Variants in SH3GL2 observed in about 807,000 individuals in gnomAD.
The protein encoded by SH3GL2 is endophilin-A1.
In SH3GL2, 24 loss-of-function variants were observed where a neutral mutation model predicts 46.0. The observed-to-expected ratio is 0.52, with a 90% confidence interval of 0.38 to 0.73. The LOEUF (loss-of-function observed/expected upper bound fraction) is 0.73, where lower values mean the gene tolerates loss of function less well. SH3GL2 is among the 30% of genes least tolerant of loss of function. SH3GL2 has a pLI of 0.00. For synonymous variants in SH3GL2, 196 were observed against 147.1 expected (o/e 1.33, Z -2.40); for missense variants, 413 against 424.2 (o/e 0.97, Z 0.23).
intron 1 of SH3GL2, among the ~76,000 whole-genome samples, chr9:17,613,740 G>A (rs1392391734): frequency 2.0e-5 from 3 of 152,204 alleles, no homozygotes; most frequent in African/African-American, 7.2e-5. Context: ...TGGCCAGCAA[G>A]ATGCTCTAGC....
At chr9:17,632,792 C>T (rs1230358419) in intron 1 of SH3GL2, among the ~76,000 whole-genome samples, 1 of 152,176 alleles carries the variant, frequency 6.6e-6, no homozygotes, top group African/African-American at 2.4e-5. Flanking sequence ...TTTGTGCTCT[C>T]AATGTGTCCC....
intron 2 of SH3GL2, among the ~76,000 whole-genome samples, chr9:17,759,293 T>C (rs539859251): frequency 6.6e-6 from 1 of 152,130 alleles, no homozygotes; most frequent in Non-Finnish European, 1.5e-5. Flanking sequence ...CCACAGACTT[T>C]GAGAAGTTTC....
intron 3 of SH3GL2, among the ~76,000 whole-genome samples, chr9:17,765,567 C>G (rs1359434139): frequency 3.9e-5 from 6 of 152,088 alleles, no homozygotes; most frequent in Non-Finnish European, 8.8e-5. Context: ...CTTTTCATGC[C>G]TTTAGGATTA....
intron 1 of SH3GL2, among the ~76,000 whole-genome samples, chr9:17,737,534 G>A (rs565637696): frequency 6.6e-6 from 1 of 151,984 alleles, no homozygotes. Flanking sequence ...AAGCTATCAG[G>A]CTCTGTAATA....
At chr9:17,703,355 A>G (rs565783264) in intron 1 of SH3GL2, among the ~76,000 whole-genome samples, 8 of 152,200 alleles carry the variant, frequency 5.3e-5, no homozygotes, top group African/African-American at 1.7e-4. Flanking sequence ...TGTAATAATC[A>G]CAAGTTTGAA....
intron 1 of SH3GL2, among the ~76,000 whole-genome samples, chr9:17,700,972 T>G (rs916954571): frequency 6.6e-6 from 1 of 152,218 alleles, no homozygotes; most frequent in Non-Finnish European, 1.5e-5. Context: ...GCACTGTGTT[T>G]CATCATGCTA....
At chr9:17,750,297 C>T (rs1387429535) in intron 2 of SH3GL2, among the ~76,000 whole-genome samples, 1 of 151,828 alleles carries the variant, frequency 6.6e-6, no homozygotes, top group Non-Finnish European at 1.5e-5. Flanking sequence ...GACCTTTGCT[C>T]ATCTGTATTC....
At chr9:17,788,562 A>G (rs1242047269) in intron 5 of SH3GL2, among the ~76,000 whole-genome samples, 2 of 152,080 alleles carry the variant, frequency 1.3e-5, no homozygotes, top group Non-Finnish European at 2.9e-5. Flanking sequence ...GCTATCGGGG[A>G]AAAACAATAC....
chr9:17,641,633 C>T (rs776221856), intron 1 of SH3GL2, among the ~76,000 whole-genome samples: 11 of 152,192 alleles, frequency 7.2e-5, no homozygotes, highest in Non-Finnish European at 7.4e-5. Context: ...ATGTTCCCCT[C>T]CCTGTGTCCA....
chr9:17,618,460 G>A (rs1189648466), intron 1 of SH3GL2, among the ~76,000 whole-genome samples: 1 of 152,154 alleles, frequency 6.6e-6, no homozygotes, highest in Non-Finnish European at 1.5e-5. Flanking sequence ...TTTGATAATA[G>A]TAAACTCATG....
At chr9:17,766,789 A>G (rs1297349447) in intron 3 of SH3GL2, among the ~76,000 whole-genome samples, 3 of 152,188 alleles carry the variant, frequency 2.0e-5, no homozygotes, top group Non-Finnish European at 2.9e-5. Context: ...GGTGCCCGTA[A>G]TAGACGGTAC....
intron 1 of SH3GL2, among the ~76,000 whole-genome samples, chr9:17,732,913 G>C (rs4961589): frequency 0.71 from 107,150 of 151,976 alleles, 38,482 homozygotes; most frequent in African/African-American, 0.84. Flanking sequence ...AGAAGTTTGA[G>C]TGGGTTTGGA....
At chr9:17,665,073 C>T (rs1820310062) in intron 1 of SH3GL2, among the ~76,000 whole-genome samples, 1 of 152,092 alleles carries the variant, frequency 6.6e-6, no homozygotes, top group Non-Finnish European at 1.5e-5. Context: ...TCTTTTGCTT[C>T]ATTGACTTTA....
chr9:17,651,755 A>T (rs919833624), intron 1 of SH3GL2, among the ~76,000 whole-genome samples: 17 of 152,160 alleles, frequency 1.1e-4, no homozygotes, highest in Admixed American at 3.3e-4. Flanking sequence ...TGTTGTTTTC[A>T]TATTTCCAAT....
At chr9:17,687,721 GC>G (rs58762452) in intron 1 of SH3GL2, among the ~76,000 whole-genome samples, 11,756 of 151,920 alleles carry the variant, frequency 0.077, 1,013 homozygotes, top group African/African-American at 0.21. Flanking sequence ...ATTTGTCTTT[GC>G]CCCCCGAAAA....
chr9:17,771,481 G>A (rs1823479409), intron 3 of SH3GL2, among the ~76,000 whole-genome samples: 1 of 152,110 alleles, frequency 6.6e-6, no homozygotes, highest in South Asian at 2.1e-4. Flanking sequence ...CCCACTGCAG[G>A]ACCCTTCTTA....
chr9:17,773,639 C>T, intron 3 of SH3GL2, among the ~76,000 whole-genome samples: 1 of 152,062 alleles, frequency 6.6e-6, no homozygotes, highest in East Asian at 1.9e-4. Context: ...TATTTCTGGG[C>T]CCTCTGCTCT....
At position 17,687,038 on chromosome 9, in the gene SH3GL2, G is replaced by A. The variant is rs574398733; in HGVS notation, c.46-60028G>A. Among the ~76,000 whole-genome samples the A allele has an allele frequency of 1.1e-4, 16 of 152,080 alleles. No homozygotes were observed. The East Asian group carries it at 1.2e-3, about 11-fold the overall frequency. On this transcript the variant is annotated intron_variant, in intron 1 of 8. Transcript: ENST00000380607. Reference sequence around the variant, plus strand: ...CATTTTGATTGTTTGTATTTTTAGCGGAGTGATAAGAATGATCCCAGACTG... The same window carrying A: ...CATTTTGATTGTTTGTATTTTTAGCAGAGTGATAAGAATGATCCCAGACTG...
chr9:17,679,747 A>G (rs1352174189), intron 1 of SH3GL2, among the ~76,000 whole-genome samples: 2 of 152,186 alleles, frequency 1.3e-5, no homozygotes, highest in African/African-American at 2.4e-5. Context: ...CCCATTCAGT[A>G]TGATATTGGC....
Sources: allele counts gnomAD v4.1 joint callset (sites outside exome capture counted in the v4.1 genomes callset), GRCh38; gene constraint gnomAD v4.1.1; transcripts MANE v1.5; gene names NCBI Gene and HGNC (gene_info 2026-07-23, HGNC 2026-07-21).